The following VXN variants were observed in gnomAD, a reference collection of about 807,000 sequenced individuals.
The protein encoded by VXN is vexin, also known as uncharacterized protein C8orf46.
A neutral mutation model predicts 23.1 loss-of-function variants in VXN; 7 were observed. That is an observed-to-expected ratio of 0.30 (90% CI 0.17 to 0.57). The LOEUF (loss-of-function observed/expected upper bound fraction) is 0.57, where lower values mean the gene tolerates loss of function less well. Among genes scored for constraint, VXN ranks in the 20% least tolerant of loss-of-function variants. VXN has a pLI of 0.91. For missense variants in VXN, 238 were observed against 272.6 expected (o/e 0.87, Z 0.89); for synonymous variants, 120 against 105.8 (o/e 1.13, Z -0.83).
intron 2 of VXN, chr8:66,501,071 T>A (rs1188240402): frequency 6.6e-6 from 1 of 152,078 alleles, no homozygotes; most frequent in Non-Finnish European, 1.5e-5. Flanking sequence ...AGACGGGGTT[T>A]CACCATGTTG....
intron 2 of VXN, among the ~76,000 whole-genome samples, chr8:66,497,669 T>C (rs1476325860): frequency 6.6e-6 from 1 of 152,192 alleles, no homozygotes; most frequent in Non-Finnish European, 1.5e-5. Context: ...TCTATGACAA[T>C]TTTTCATAGG....
At chr8:66,504,457 C>G (rs1335799958) in intron 2 of VXN, among the ~76,000 whole-genome samples, 1 of 147,974 alleles carries the variant, frequency 6.8e-6, no homozygotes, top group African/African-American at 2.5e-5. Flanking sequence ...TATAAACATG[C>G]AGGATCGAAG....
intron 3 of VXN, among the ~76,000 whole-genome samples, chr8:66,507,184 G>A (rs1198576122): frequency 6.6e-6 from 1 of 152,180 alleles, no homozygotes; most frequent in African/African-American, 2.4e-5. Flanking sequence ...CTAATGTGGT[G>A]TTTCTCAAAG....
chr8:66,516,310 G>A lies in VXN; in HGVS notation c.*234G>A, dbSNP rs898504684. On this transcript the variant is annotated 3_prime_UTR_variant, in exon 6 of 6. Coordinates refer to ENST00000305454, the MANE Select transcript of VXN (RefSeq NM_152765.4). ...AAGCCATTGGTCTGAAAGTGACTTT[G>A]GGAGGTCATAAAGTTTGTATCTCTA... 2 of 359,516 alleles carry A rather than the reference G, an allele frequency of 5.6e-6. No homozygotes were observed. Among genetic ancestry groups the A allele is most frequent in the East Asian group, 4.4e-5 (1 of 22,860 alleles). 22.3% of individuals were successfully genotyped at this position (359,516 alleles called of 1,614,324 possible). A position where few individuals can be genotyped will look rare whatever the true frequency, so the allele number is the denominator to read the frequency against.
chr8:66,503,852 G>A (rs11778287), intron 2 of VXN, among the ~76,000 whole-genome samples: 14,993 of 152,244 alleles, frequency 0.098, 1,044 homozygotes, highest in Admixed American at 0.21. Context: ...TCCCTGGGAC[G>A]GGCCTAACAC....
chr8:66,501,157 T>C (rs1270891970), intron 2 of VXN: 1 of 152,154 alleles, frequency 6.6e-6, no homozygotes, highest in East Asian at 1.9e-4. Context: ...ATTACAGGTG[T>C]GAGCCACCAC....
At chr8:66,499,594 C>T (rs1186475466) in intron 2 of VXN, among the ~76,000 whole-genome samples, 2 of 151,910 alleles carry the variant, frequency 1.3e-5, no homozygotes, top group Admixed American at 6.6e-5. Flanking sequence ...CTCACTCTGT[C>T]GCCCAGGCTG....
chr8:66,516,289 C>CATCACTTAGA lies in VXN; in HGVS notation c.*215_*216insCACTTAGAAT, dbSNP rs1307970076. 2.5e-6 allele frequency: 1 copy of CATCACTTAGA among 402,314 alleles called. No homozygotes were observed. The highest frequency in any genetic ancestry group is 2.1e-5 in the African/African-American group (1 of 48,524). 24.9% of individuals were successfully genotyped at this position (402,314 alleles called of 1,614,324 possible). A position where few individuals can be genotyped will look rare whatever the true frequency, so the allele number is the denominator to read the frequency against. Reference sequence around the variant, plus strand: ...TGCCCCTTCTTAGAATTGCTAAAGCCATTGGTCTGAAAGTGACTTTGGGAG... The same window carrying CATCACTTAGA: ...TGCCCCTTCTTAGAATTGCTAAAGCCATCACTTAGAATTGGTCTGAAAGTGACTTTGGGAG... On this transcript the variant is annotated 3_prime_UTR_variant, in exon 6 of 6. Coordinates refer to ENST00000305454, the MANE Select transcript of VXN (RefSeq NM_152765.4).
intron 2 of VXN, among the ~76,000 whole-genome samples, chr8:66,504,337 C>T (rs918720074): frequency 2.0e-5 from 3 of 152,056 alleles, no homozygotes; most frequent in African/African-American, 4.8e-5. Flanking sequence ...TCCTCCTTTC[C>T]GAGAGCGATG....
At chr8:66,497,686 T>C (rs1435433162) in intron 2 of VXN, among the ~76,000 whole-genome samples, 1 of 152,230 alleles carries the variant, frequency 6.6e-6, no homozygotes, top group Non-Finnish European at 1.5e-5. Flanking sequence ...TAGGATAGCA[T>C]TTCAATTTTT....
At chr8:66,505,657 C>T in intron 3 of VXN, 129 bp downstream of exon 3, 1 of 1,146,700 alleles carries the variant, frequency 8.7e-7, no homozygotes, top group Non-Finnish European at 1.2e-6. Context: ...TGACCAAGCA[C>T]CTGTGCTTTC....
intron 2 of VXN, among the ~76,000 whole-genome samples, chr8:66,499,755 C>A (rs1285691861): frequency 2.0e-5 from 3 of 152,028 alleles, no homozygotes; most frequent in Non-Finnish European, 4.4e-5. Flanking sequence ...GACGGAGTTT[C>A]ACCATGTTGG....
intron 4 of VXN, 151 bp from the exon 5 acceptor site, chr8:66,513,389 C>T (rs1807847348): frequency 2.8e-6 from 2 of 726,346 alleles, no homozygotes; most frequent in Non-Finnish European, 4.9e-6. Flanking sequence ...TTATCAAGCC[C>T]TCCAGGGCAG....
Position 66,516,295 on chromosome 8 carries a change from T to C in VXN, c.*219T>C, listed in dbSNP as rs557438697. 5.8e-4 allele frequency: 226 copies of C among 389,424 alleles called. No homozygotes were observed. Among genetic ancestry groups the C allele is most frequent in the Non-Finnish European group, 7.4e-4 (164 of 221,978 alleles). 24.1% of individuals were successfully genotyped at this position (389,424 alleles called of 1,614,324 possible). On this transcript the variant is annotated 3_prime_UTR_variant, in exon 6 of 6. Coordinates refer to ENST00000305454, the MANE Select transcript of VXN (RefSeq NM_152765.4). The stretch of plus-strand genomic sequence containing the variant: ...TTCTTAGAATTGCTAAAGCCATTGG[T>C]CTGAAAGTGACTTTGGGAGGTCATA...
intron 2 of VXN, chr8:66,501,076 A>G (rs947505358): frequency 3.3e-5 from 5 of 151,952 alleles, no homozygotes; most frequent in Non-Finnish European, 7.4e-5. Flanking sequence ...GGGTTTCACC[A>G]TGTTGGTCAG....
At chr8:66,493,816 C>G in intron 1 of VXN, 98 bp downstream of exon 1, 1 of 951,522 alleles carries the variant, frequency 1.1e-6, no homozygotes, top group Non-Finnish European at 1.6e-6. Flanking sequence ...ATCCTCAGGT[C>G]TCTGGGGTCT....
chr8:66,506,933 T>G (rs1318921377), intron 3 of VXN, among the ~76,000 whole-genome samples: 2 of 140,958 alleles, frequency 1.4e-5, no homozygotes, highest in African/African-American at 2.5e-5. Flanking sequence ...GGTGGGTGGG[T>G]GCATGTGTGT....
chr8:66,509,342 G>C (rs1307655094), intron 3 of VXN, among the ~76,000 whole-genome samples: 1 of 152,148 alleles, frequency 6.6e-6, no homozygotes, highest in African/African-American at 2.4e-5. Context: ...AGAAGCTTCA[G>C]AGTAAAAAGT....
At chr8:66,510,225 T>A in intron 4 of VXN, 68 bp downstream of exon 4, 1 of 1,300,430 alleles carries the variant, frequency 7.7e-7, no homozygotes, top group Non-Finnish European at 1.1e-6. Flanking sequence ...CTGATTCTCC[T>A]GTGCCATGAA....
Sources: allele counts gnomAD v4.1 joint callset (sites outside exome capture counted in the v4.1 genomes callset), GRCh38; gene constraint gnomAD v4.1.1; transcripts MANE v1.5; gene names NCBI Gene and HGNC (gene_info 2026-07-23, HGNC 2026-07-21).